Variants in DMD observed in about 807,000 individuals in gnomAD.
The protein encoded by DMD is dystrophin.
In DMD, 63 loss-of-function variants were observed where a neutral mutation model predicts 330.1. The observed-to-expected ratio is 0.19, with a 90% CI of 0.16 to 0.24. The LOEUF is 0.24. Ranked by LOEUF, DMD falls within the 10% of genes least tolerant of loss-of-function variation. The probability of loss-of-function intolerance (pLI) is 1.00; values close to 1 mark genes in which losing one functional copy is unlikely to be tolerated. For missense variants in DMD, 3,344 were observed against 2,684.1 expected, an observed-to-expected ratio of 1.25 and a Z score of -5.43; for synonymous variants, 1,223 against 959.8, an observed-to-expected ratio of 1.27 and a Z score of -5.07.
chrX:32,075,896 A>G (rs1005330134), intron 44 of DMD, among the ~76,000 whole-genome samples: 3 of 107,325 alleles, frequency 2.8e-5, no homozygotes, highest in Non-Finnish European at 5.8e-5. Context: ...TAAAGATACA[A>G]AAATTAGCCA....
chrX:32,571,428 T>G (rs754013933), intron 15 of DMD, among the ~76,000 whole-genome samples: 1 of 111,982 alleles, frequency 8.9e-6, no homozygotes, highest in East Asian at 2.8e-4. Context: ...CTCACTTTTG[T>G]GATACCACTT....
rs2041033085 is a variant in DMD, at chrX:31,180,390, T to C, written c.10066A>G (p.Met3356Val). Residue 3356 changes from methionine (M) to valine (V), a missense_variant, in exon 69 of 79, where the codon ATG (methionine) becomes GTG (valine). By Grantham distance (21) the Met-to-Val change is conservative. Transcript: ENST00000357033. ...CTTACCGGAGTGCAATATTCCACCA[T>C]GGGATAGTGCATTTTATGGCCTTTT... is the stretch of plus-strand genomic sequence containing the variant. ...VAKGHKMHYP[M>V]VEYCTPTTSG... The C allele has an allele frequency of 8.3e-7, 1 of 1,205,956 alleles. No homozygotes were observed. The highest frequency in any genetic ancestry group is 1.1e-6 in the Non-Finnish European group (1 of 890,356).
chrX:32,683,505 A>G (rs1209207771), intron 9 of DMD, among the ~76,000 whole-genome samples: 16 of 108,582 alleles, frequency 1.5e-4, no homozygotes, highest in Non-Finnish European at 3.0e-4. Context: ...GACATGGATG[A>G]AGCTGGAAAC....
At chrX:32,067,898 T>C (rs1158348053) in intron 44 of DMD, among the ~76,000 whole-genome samples, 2 of 111,930 alleles carry the variant, frequency 1.8e-5, no homozygotes, top group South Asian at 3.7e-4. Context: ...GGTCAAATGA[T>C]AGTTCTATTT....
chrX:31,748,590 G>A (rs1211227504), intron 51 of DMD, among the ~76,000 whole-genome samples: 3 of 111,952 alleles, frequency 2.7e-5, no homozygotes, highest in African/African-American at 6.5e-5. Flanking sequence ...CTCCTACAGC[G>A]TAGCAATTAC....
intron 41 of DMD, 151 bp from the exon 42 acceptor site, chrX:32,310,427 G>T: frequency 2.1e-6 from 1 of 476,351 alleles, no homozygotes; most frequent in South Asian, 3.3e-5. Flanking sequence ...GGTAAGTCTA[G>T]TAAAACGGTG....
At chrX:32,200,543 A>C (rs770263161) in intron 44 of DMD, among the ~76,000 whole-genome samples, 1 of 111,389 alleles carries the variant, frequency 9.0e-6, no homozygotes, top group Non-Finnish European at 1.9e-5. Context: ...TACATGTCAC[A>C]TGTAACAATC....
chrX:32,329,694 T>A (rs747792756), intron 41 of DMD, among the ~76,000 whole-genome samples: 5 of 112,695 alleles, frequency 4.4e-5, no homozygotes, highest in African/African-American at 1.6e-4. Context: ...ATGTTATAGA[T>A]AACTGTATTT....
At chrX:32,460,661 A>C (rs1024732829) in intron 25 of DMD, among the ~76,000 whole-genome samples, 1 of 110,201 alleles carries the variant, frequency 9.1e-6, no homozygotes, top group Non-Finnish European at 1.9e-5. Flanking sequence ...TGTTTTCTCC[A>C]CTTCATTTTC....
At chrX:32,344,158 C>T (rs935593893) in intron 39 of DMD, among the ~76,000 whole-genome samples, 1 of 112,038 alleles carries the variant, frequency 8.9e-6, no homozygotes, top group African/African-American at 3.2e-5. Flanking sequence ...TTTTATAATT[C>T]ATGGGAACAT....
At position 31,608,239 on chromosome X, in the gene DMD, C is replaced by T. The variant is rs1036333615; in HGVS notation, c.8217+19434G>A. Among the ~76,000 whole-genome samples, 8 of 111,642 alleles carry T rather than the reference C, an allele frequency of 7.2e-5. No homozygotes were observed. The East Asian group carries it at 2.3e-3, about 31-fold the overall frequency. ...AAATTCATGAAGGATTAAAACAAAACACATTATTAGGCAATATTTTGATAT... is the reference window on the plus strand; with the variant it reads ...AAATTCATGAAGGATTAAAACAAAATACATTATTAGGCAATATTTTGATAT... On this transcript the variant is annotated intron_variant, in intron 55 of 78. Coordinates refer to ENST00000357033, the MANE Select transcript of DMD (RefSeq NM_004006.3).
chrX:32,797,233 C>G (rs966364161), intron 7 of DMD, among the ~76,000 whole-genome samples: 1 of 111,502 alleles, frequency 9.0e-6, no homozygotes, highest in African/African-American at 3.3e-5. Flanking sequence ...AGCAATTCTC[C>G]TGCCTTGGCC....
intron 9 of DMD, among the ~76,000 whole-genome samples, chrX:32,667,626 C>T (rs925779604): frequency 1.8e-5 from 2 of 111,613 alleles, no homozygotes; most frequent in African/African-American, 6.5e-5. Context: ...TTACTGAAAG[C>T]ATAAGATGGA....
At chrX:31,910,603 G>A (rs1603580796) in intron 47 of DMD, among the ~76,000 whole-genome samples, 2 of 111,860 alleles carry the variant, frequency 1.8e-5, no homozygotes, top group Admixed American at 1.9e-4. Context: ...AGAAACTAAC[G>A]AACGTTGTAA....
chrX:33,124,313 T>C (rs1430386908), intron 1 of DMD, among the ~76,000 whole-genome samples: 1 of 107,654 alleles, frequency 9.3e-6, no homozygotes, highest in Non-Finnish European at 1.9e-5. Context: ...TCGGCTCTAC[T>C]AAAAATACAA....
At chrX:32,437,463 AC>A (rs58856831) in intron 29 of DMD, among the ~76,000 whole-genome samples, 14,430 of 108,997 alleles carry the variant, frequency 0.13, 1,449 homozygotes, top group African/African-American at 0.34. Context: ...CCTAGTTACT[AC>A]CCCCCCTTAT....
At chrX:32,875,222 C>T (rs950370627) in intron 2 of DMD, among the ~76,000 whole-genome samples, 2 of 111,622 alleles carry the variant, frequency 1.8e-5, no homozygotes, top group Non-Finnish European at 3.8e-5. Flanking sequence ...CTCTTGAACT[C>T]TTTCTGGTTC....
At chrX:32,782,665 G>T (rs1230773846) in intron 7 of DMD, among the ~76,000 whole-genome samples, 2 of 110,609 alleles carry the variant, frequency 1.8e-5, no homozygotes, top group East Asian at 2.8e-4. Context: ...GTATCTGCGG[G>T]TTCTGTATCT....
rs903467092 is a variant in DMD at position 32,110,048 on chromosome X, C to G, written c.6438+106868G>C. On this transcript the variant is annotated intron_variant, in intron 44 of 78. Transcript: ENST00000357033. ...CTTTTATAATAGTACAGCTTAGTTTCTATGCATCCTCCTATATTCTGAGAT... is the reference window on the plus strand; with the variant it reads ...CTTTTATAATAGTACAGCTTAGTTTGTATGCATCCTCCTATATTCTGAGAT... Among the ~76,000 whole-genome samples the G allele has an allele frequency of 4.5e-5, 5 of 111,534 alleles. No individual in the cohort carries two copies. The Admixed American group carries it at 4.8e-4, about 11-fold the overall frequency.
Sources: allele counts gnomAD v4.1 joint callset (sites outside exome capture counted in the v4.1 genomes callset), GRCh38; gene constraint gnomAD v4.1.1; transcripts MANE v1.5; gene names NCBI Gene and HGNC (gene_info 2026-07-23, HGNC 2026-07-21).